ARMC3: variants seen among roughly 807,000 people sequenced by gnomAD.
The protein encoded by ARMC3 is armadillo repeat containing 3, also known as armadillo repeat-containing protein 3.
A neutral mutation model predicts 90.3 loss-of-function variants in ARMC3; 74 were observed. The ratio of observed to expected loss-of-function variants is 0.82; its 90% CI spans 0.68 to 0.99. The LOEUF (loss-of-function observed/expected upper bound fraction) is 0.99. ARMC3 is among the 50% of genes least tolerant of loss of function. The pLI is 0.00. For synonymous variants in ARMC3, 334 were observed against 361.8 expected (o/e 0.92, Z 0.87); for missense variants, 958 against 1,042.8 (o/e 0.92, Z 1.12).
intron 2 of ARMC3, among the ~76,000 whole-genome samples, chr10:22,938,626 G>A (rs892251943): frequency 5.9e-5 from 9 of 152,160 alleles, no homozygotes; most frequent in Non-Finnish European, 4.4e-5. Flanking sequence ...CTGGCAGGAT[G>A]TGCTGATGGG....
At position 23,037,544 on chromosome 10, in the gene ARMC3, C is replaced by T; in HGVS notation, c.*65C>T. 2 of 1,282,584 alleles carry T rather than the reference C, an allele frequency of 1.6e-6. No individual in the cohort carries two copies. The highest frequency in any genetic ancestry group is 2.1e-6 in the Non-Finnish European group (2 of 952,238). The allele number at this position is 1,282,584 out of a possible 1,614,324, so 79.5% of individuals were successfully genotyped here. A position where few individuals can be genotyped will look rare whatever the true frequency, so the allele number is the denominator to read the frequency against. On this transcript the variant is annotated 3_prime_UTR_variant, in exon 19 of 19. Coordinates refer to ENST00000298032, the MANE Select transcript of ARMC3 (RefSeq NM_173081.5). The stretch of plus-strand genomic sequence containing the variant: ...CACTGTGTACACTCTCTAAGACATT[C>T]TCCAAATTGATTTTATCTCTTTAAA...
intron 10 of ARMC3, among the ~76,000 whole-genome samples, chr10:22,982,514 C>A (rs1362761093): frequency 6.6e-6 from 1 of 152,230 alleles, no homozygotes; most frequent in Non-Finnish European, 1.5e-5. Context: ...TCAAAATAAT[C>A]TGCCAGCAGT....
intron 1 of ARMC3, among the ~76,000 whole-genome samples, chr10:22,930,733 C>T (rs538458668): frequency 6.6e-6 from 1 of 152,268 alleles, no homozygotes; most frequent in African/African-American, 2.4e-5. Flanking sequence ...TGTAGATTCT[C>T]CCCAAGGATT....
Position 22,998,192 on chromosome 10 carries a change from T to C in ARMC3, c.1220T>C (p.Leu407Pro), listed in dbSNP as rs1837088262. Reference protein sequence around the residue: ...ADGIDPLINLLSSKRDGAIAN... With the variant: ...ADGIDPLINLPSSKRDGAIAN... Reference sequence around the variant, plus strand: ...GGTATTGATCCATTAATAAACCTCCTGTCTAGTAAACGAGATGGAGCCATT... The same window carrying C: ...GGTATTGATCCATTAATAAACCTCCCGTCTAGTAAACGAGATGGAGCCATT... Residue 407 changes from leucine to proline, a missense_variant, in exon 11 of 19, where the codon CTG (leucine) becomes CCG (proline). Transcript: ENST00000298032. The C allele has an allele frequency of 6.2e-7, 1 of 1,613,806 alleles. No homozygotes were observed. Among genetic ancestry groups the C allele is most frequent in the Non-Finnish European group, 8.5e-7 (1 of 1,179,894 alleles).
intron 2 of ARMC3, among the ~76,000 whole-genome samples, chr10:22,932,650 A>G (rs1330379554): frequency 6.6e-6 from 1 of 152,242 alleles, no homozygotes; most frequent in Non-Finnish European, 1.5e-5. Context: ...ATGACCTTGG[A>G]CAATTTGCAG....
chr10:23,018,010 A>G (rs564810055), intron 16 of ARMC3, among the ~76,000 whole-genome samples: 2 of 152,378 alleles, frequency 1.3e-5, no homozygotes, highest in Non-Finnish European at 2.9e-5. Flanking sequence ...CACGGAGAGC[A>G]GTGTGGTAGA....
intron 16 of ARMC3, among the ~76,000 whole-genome samples, chr10:23,022,441 G>A (rs1838548616): frequency 6.6e-6 from 1 of 152,162 alleles, no homozygotes; most frequent in South Asian, 2.1e-4. Context: ...GGCAAACAAA[G>A]GAGAACTCCA....
chr10:23,014,663 A>G (rs1234373029), intron 16 of ARMC3, among the ~76,000 whole-genome samples: 1 of 152,132 alleles, frequency 6.6e-6, no homozygotes, highest in Non-Finnish European at 1.5e-5. Flanking sequence ...ACATGGATGG[A>G]GCTGGAAGTC....
At chr10:22,989,551 T>G (rs1564375360) in intron 10 of ARMC3, among the ~76,000 whole-genome samples, 1 of 150,840 alleles carries the variant, frequency 6.6e-6, no homozygotes, top group Non-Finnish European at 1.5e-5. Context: ...ATTAGAATAC[T>G]CACAAGATGA....
At chr10:22,962,119 A>G (rs2131261491) in intron 7 of ARMC3, 41 bp downstream of exon 7, 1 of 1,382,268 alleles carries the variant, frequency 7.2e-7, no homozygotes. Flanking sequence ...GAGGAAATGT[A>G]TCTCTCCCAA....
intron 18 of ARMC3, 111 bp from the exon 19 acceptor site, chr10:23,037,159 C>T: frequency 1.0e-6 from 1 of 999,588 alleles, no homozygotes; most frequent in South Asian, 2.1e-5. Flanking sequence ...CTAAACATTT[C>T]TTTGCAAGAC....
rs1835111319 is a variant in ARMC3, at chr10:22,959,705, T to A, written c.537+131T>A. ...CAGATCTTCTTGTTACTGGTATTTA[T>A]CATTCAGAGAAAAAAATAATGGAAG... On this transcript the variant is annotated intron_variant, in intron 6 of 18. Coordinates refer to ENST00000298032, the MANE Select transcript of ARMC3 (RefSeq NM_173081.5). 3 of 875,940 alleles carry A rather than the reference T, an allele frequency of 3.4e-6. No individual in the cohort carries two copies. In the East Asian group the frequency reaches 8.1e-5, roughly 24 times the overall value. 54.3% of individuals were successfully genotyped at this position (875,940 alleles called of 1,614,324 possible).
intron 18 of ARMC3, among the ~76,000 whole-genome samples, chr10:23,033,442 G>A (rs1191116710): frequency 6.6e-6 from 1 of 152,130 alleles, no homozygotes; most frequent in Admixed American, 6.5e-5. Flanking sequence ...AGGTATGAGA[G>A]GCTGCACAGG....
chr10:22,969,535 C>T (rs1231806877), intron 8 of ARMC3, among the ~76,000 whole-genome samples: 1 of 152,152 alleles, frequency 6.6e-6, no homozygotes, highest in Non-Finnish European at 1.5e-5. Flanking sequence ...AAGATTTCAC[C>T]ATCCAGTATG....
intron 1 of ARMC3, among the ~76,000 whole-genome samples, chr10:22,929,069 T>G (rs750185530): frequency 4.0e-5 from 6 of 151,534 alleles, no homozygotes; most frequent in Admixed American, 6.6e-5. Context: ...CTACTGAAAA[T>G]ACAAAAATTA....
rs181752974 is a variant in ARMC3 at position 22,939,788 on chromosome 10, G to T, written c.49-6356G>T. Among the ~76,000 whole-genome samples, 414 of 151,916 alleles carry T rather than the reference G, an allele frequency of 2.7e-3. 4 individuals carry two copies. The highest frequency in any genetic ancestry group is 4.7e-3 in the Non-Finnish European group (320 of 67,956). ...AGGAAAATGTGACCTATAACCAGGA[G>T]AAAATCAGTTAATAAGCTAATAGAG... On this transcript the variant is annotated intron_variant, in intron 2 of 18. Transcript: ENST00000298032.
chr10:22,958,490 T>C (rs1430347935), intron 4 of ARMC3, among the ~76,000 whole-genome samples: 1 of 152,190 alleles, frequency 6.6e-6, no homozygotes, highest in East Asian at 1.9e-4. Flanking sequence ...TCTTCTGATA[T>C]GTGTTCTAGG....
chr10:22,957,386 G>T (rs979958869), intron 4 of ARMC3, among the ~76,000 whole-genome samples: 2 of 152,206 alleles, frequency 1.3e-5, no homozygotes, highest in Admixed American at 1.3e-4. Flanking sequence ...CAGCTGCAGT[G>T]CTGGAAGCAG....
chr10:22,957,848 A>AT (rs1424263998), intron 4 of ARMC3, among the ~76,000 whole-genome samples: 1 of 152,202 alleles, frequency 6.6e-6, no homozygotes, highest in Non-Finnish European at 1.5e-5. Context: ...AAAAGGGAAG[A>AT]TTTTTTTATT....
Sources: gnomAD v4.1 joint callset for allele counts (sites outside exome capture counted in the v4.1 genomes callset) on GRCh38, gnomAD v4.1.1 for gene constraint, MANE v1.5 for transcripts, NCBI Gene and HGNC (gene_info 2026-07-23, HGNC 2026-07-21) for gene names.